The following MOSMO variants were observed in gnomAD, a reference collection of about 807,000 sequenced individuals.
MOSMO encodes modulator of smoothened.
A neutral mutation model predicts 18.4 loss-of-function variants in MOSMO; 5 were observed. The ratio of observed to expected loss-of-function variants is 0.27; its 90% confidence interval spans 0.14 to 0.57. The LOEUF (loss-of-function observed/expected upper bound fraction) is 0.57, where lower values mean the gene tolerates loss of function less well. MOSMO is among the 20% of genes least tolerant of loss of function. The pLI, the probability that MOSMO is intolerant of heterozygous loss-of-function variation, is 0.92. For synonymous variants in MOSMO, 82 were observed against 82.3 expected, an observed-to-expected ratio of 1.00 and a Z score of 0.02; for missense variants, 138 against 211.8, an observed-to-expected ratio of 0.65 and a Z score of 2.16.
At chr16:22,051,582 C>T (rs983861135) in intron 1 of MOSMO, among the ~76,000 whole-genome samples, 6 of 152,110 alleles carry the variant, frequency 3.9e-5, no homozygotes, top group Non-Finnish European at 8.8e-5. Flanking sequence ...CCCCTTCCCC[C>T]ATACCTCACC....
At chr16:22,072,679 G>T (rs912386100) in intron 1 of MOSMO, among the ~76,000 whole-genome samples, 2 of 152,060 alleles carry the variant, frequency 1.3e-5, no homozygotes, top group Admixed American at 1.3e-4. Context: ...GGGCGTAGTC[G>T]TGGGCGCCTG....
intron 1 of MOSMO, among the ~76,000 whole-genome samples, chr16:22,017,460 TC>T (rs1899663758): frequency 2.6e-5 from 4 of 152,186 alleles, no homozygotes; most frequent in Non-Finnish European, 4.4e-5. Flanking sequence ...CACCTTTTTT[TC>T]CAAGTACTTT....
intron 1 of MOSMO, among the ~76,000 whole-genome samples, chr16:22,057,083 C>T (rs758470209): frequency 2.0e-5 from 3 of 152,038 alleles, no homozygotes; most frequent in Admixed American, 6.6e-5. Flanking sequence ...GAAGAATTAT[C>T]GACTATTCTC....
intron 1 of MOSMO, among the ~76,000 whole-genome samples, chr16:22,049,447 G>T (rs958222937): frequency 2.6e-5 from 4 of 152,128 alleles, no homozygotes; most frequent in African/African-American, 9.7e-5. Flanking sequence ...TTGGTTACTG[G>T]AAAGACTGAA....
chr16:22,022,210 T>C (rs1899778288), intron 1 of MOSMO, among the ~76,000 whole-genome samples: 1 of 151,506 alleles, frequency 6.6e-6, no homozygotes, highest in African/African-American at 2.4e-5. Flanking sequence ...TTAAAAAAAG[T>C]AGTCTCGCTA....
rs1901091028 is a variant in MOSMO at position 22,081,885 on chromosome 16, G to A, written c.*1005G>A. The A allele has an allele frequency of 6.6e-6, 1 of 152,034 alleles. No individual in the cohort carries two copies. Among genetic ancestry groups the A allele is most frequent in the Admixed American group, 6.6e-5 (1 of 15,262 alleles). The allele number at this position is 152,034 out of a possible 1,614,324, so 9.4% of individuals were successfully genotyped here. A position where few individuals can be genotyped will look rare whatever the true frequency, so the allele number is the denominator to read the frequency against. The stretch of plus-strand genomic sequence containing the variant: ...CATACCTTTCTAGGTGCGATTTTAA[G>A]TTAAGCTAAAAATTATTTGTAGGGT... On this transcript the variant is annotated 3_prime_UTR_variant, in exon 3 of 3. Transcript: ENST00000542527.
Position 22,058,438 on chromosome 16 carries a change from A to G in MOSMO, c.107-17049A>G, listed in dbSNP as rs1392030590. Among the ~76,000 whole-genome samples, 12 of 152,154 alleles carry G rather than the reference A, an allele frequency of 7.9e-5. No homozygotes were observed. The East Asian group carries it at 2.3e-3, about 29-fold the overall frequency. ...GAGACTCCGTCTCAAAAAAAAAAAA[A>G]AAAAAGAAAGAAACAATTGCTTTGC... On this transcript the variant is annotated intron_variant, in intron 1 of 2. Coordinates refer to ENST00000542527, the MANE Select transcript of MOSMO (RefSeq NM_001164579.2).
At chr16:22,091,638 G>A (rs1249098423), downstream of MOSMO, among the ~76,000 whole-genome samples, 2 of 152,026 alleles carry the variant, frequency 1.3e-5, no homozygotes, top group East Asian at 1.9e-4. Context: ...CAGTCCTCCC[G>A]CCTCAGCCTC....
chr16:22,050,412 C>A (rs1900398870), intron 1 of MOSMO, among the ~76,000 whole-genome samples: 1 of 152,166 alleles, frequency 6.6e-6, no homozygotes, highest in African/African-American at 2.4e-5. Context: ...AGATTCTCAA[C>A]TAGGGACAGT....
chr16:22,067,609 C>G (rs998106525), intron 1 of MOSMO, among the ~76,000 whole-genome samples: 1 of 152,132 alleles, frequency 6.6e-6, no homozygotes, highest in Admixed American at 6.5e-5. Context: ...CCTGTAATCC[C>G]AGCACTTTGG....
chr16:22,027,821 C>A (rs1395265424), intron 1 of MOSMO, among the ~76,000 whole-genome samples: 1 of 152,166 alleles, frequency 6.6e-6, no homozygotes, highest in Admixed American at 6.5e-5. Context: ...TTTCCTGCCC[C>A]TAGCCCTTGC....
In MOSMO at chr16:22,061,656, C is replaced by T. The variant is rs149952249; in HGVS notation, c.107-13831C>T. 2.0e-4 allele frequency among the ~76,000 whole-genome samples: 31 copies of T among 152,244 alleles called. No individual in the cohort carries two copies. The East Asian group carries it at 3.5e-3, about 17-fold the overall frequency. On this transcript the variant is annotated intron_variant, in intron 1 of 2. Coordinates refer to ENST00000542527, the MANE Select transcript of MOSMO (RefSeq NM_001164579.2). ...GAATGAATGAAAGCTTGGTATAGCACGCTTGTGCCCACTAGACTTGGACAG... is the reference window on the plus strand; with the variant it reads ...GAATGAATGAAAGCTTGGTATAGCATGCTTGTGCCCACTAGACTTGGACAG...
chr16:22,018,652 T>C (rs1354272371), intron 1 of MOSMO, among the ~76,000 whole-genome samples: 2 of 152,224 alleles, frequency 1.3e-5, no homozygotes, highest in African/African-American at 2.4e-5. Context: ...AGAGATTATG[T>C]TTAAGCAAAT....
At chr16:22,019,452 T>TG (rs931218493) in intron 1 of MOSMO, among the ~76,000 whole-genome samples, 15 of 152,230 alleles carry the variant, frequency 9.9e-5, no homozygotes, top group African/African-American at 3.6e-4. Flanking sequence ...TCCAACCCCT[T>TG]GGTAACACTT....
chr16:22,032,239 G>T (rs948316997), intron 1 of MOSMO, among the ~76,000 whole-genome samples: 3 of 142,658 alleles, frequency 2.1e-5, no homozygotes, highest in Non-Finnish European at 4.5e-5. Flanking sequence ...ACCCTGGCTA[G>T]AGTGCAGTGG....
intron 1 of MOSMO, among the ~76,000 whole-genome samples, chr16:22,048,933 G>A (rs764706778): frequency 1.3e-5 from 2 of 152,102 alleles, no homozygotes; most frequent in South Asian, 2.1e-4. Context: ...GGTTGCCCCC[G>A]TGTTCTTCAT....
intron 1 of MOSMO, among the ~76,000 whole-genome samples, chr16:22,016,578 G>T (rs140956876): frequency 6.6e-6 from 1 of 152,258 alleles, no homozygotes; most frequent in African/African-American, 2.4e-5. Flanking sequence ...CAAAACCAAG[G>T]AGTACTTGGG....
chr16:22,074,734 G>C (rs915583018), intron 1 of MOSMO, among the ~76,000 whole-genome samples: 20 of 152,286 alleles, frequency 1.3e-4, no homozygotes, highest in South Asian at 4.1e-4. Flanking sequence ...ACTTTTATTT[G>C]AATGGGGAGA....
chr16:22,073,022 G>A (rs9788908), intron 1 of MOSMO, among the ~76,000 whole-genome samples: 53,435 of 151,836 alleles, frequency 0.35, 10,980 homozygotes, highest in East Asian at 0.7. Context: ...AAATTTTCGT[G>A]CTTGTTCTGT....
Sources: allele counts gnomAD v4.1 joint callset (sites outside exome capture counted in the v4.1 genomes callset), GRCh38; gene constraint gnomAD v4.1.1; transcripts MANE v1.5; gene names NCBI Gene and HGNC (gene_info 2026-07-23, HGNC 2026-07-21).